The following INSL6 variants were observed in gnomAD, a reference collection of about 807,000 sequenced individuals.
The protein encoded by INSL6 is insulin like 6.
A neutral mutation model predicts 9.4 loss-of-function variants in INSL6; 16 were observed. That is an observed-to-expected ratio of 1.70 (90% confidence interval 1.15 to 2.59). The LOEUF (loss-of-function observed/expected upper bound fraction) is 2.59, where lower values mean the gene tolerates loss of function less well. Ranked by LOEUF, INSL6 falls within the 30% of genes most tolerant of loss-of-function variation. The pLI, the probability that INSL6 is intolerant of heterozygous loss-of-function variation, is 0.00. For missense variants in INSL6, 391 were observed against 257.3 expected, an observed-to-expected ratio of 1.52 and a Z score of -3.56; for synonymous variants, 154 against 96.9, an observed-to-expected ratio of 1.59 and a Z score of -3.46.
At chr9:5,170,453 GCAAA>G (rs1825154620) in intron 1 of INSL6, among the ~76,000 whole-genome samples, 1 of 151,536 alleles carries the variant, frequency 6.6e-6, no homozygotes, top group Admixed American at 6.6e-5. Flanking sequence ...AGAACCAAGA[GCAAA>G]CAAACCCCAA....
chr9:5,020,094 G>A, the INSL6 span, among the ~76,000 whole-genome samples: 1 of 152,194 alleles, frequency 6.6e-6, no homozygotes, highest in East Asian at 1.9e-4. Context: ...CCTGGGCAGT[G>A]AGCATGGCAT....
the INSL6 span, among the ~76,000 whole-genome samples, chr9:5,051,092 A>C: frequency 4.6e-5 from 7 of 152,202 alleles, no homozygotes; most frequent in African/African-American, 1.7e-4. Flanking sequence ...TTGACGTTCA[A>C]AAAGTTCTGG....
the INSL6 span, among the ~76,000 whole-genome samples, chr9:5,087,502 C>T: frequency 4.6e-5 from 4 of 87,682 alleles, no homozygotes; most frequent in Non-Finnish European, 7.9e-5. Flanking sequence ...TTTCCTGGTC[C>T]TATCTCAAAC....
the INSL6 span, chr9:5,072,434 G>T: frequency 4.6e-6 from 6 of 1,317,422 alleles, no homozygotes; most frequent in South Asian, 9.0e-5. Flanking sequence ...GTATTTTCTT[G>T]TTCCTACTTC....
chr9:5,112,503 T>C, the INSL6 span: 1 of 558,586 alleles, frequency 1.8e-6, no homozygotes, highest in Non-Finnish European at 3.2e-6. Flanking sequence ...AGGAGGAAGA[T>C]GACCTTTTCC....
At chr9:5,023,527 C>A in the INSL6 span, among the ~76,000 whole-genome samples, 1 of 152,162 alleles carries the variant, frequency 6.6e-6, no homozygotes, top group Non-Finnish European at 1.5e-5. Flanking sequence ...ATTTTTTGTC[C>A]TGCAAGGGGC....
intron 2 of INSL6, among the ~76,000 whole-genome samples, chr9:5,136,002 G>A (rs1020143783): frequency 7.2e-5 from 11 of 152,140 alleles, no homozygotes; most frequent in African/African-American, 2.4e-4. Flanking sequence ...ACACCTCTAT[G>A]CAAATAAACT....
At chr9:5,096,760 C>T in the INSL6 span, 1 of 152,136 alleles carries the variant, frequency 6.6e-6, no homozygotes, top group Non-Finnish European at 1.5e-5. Flanking sequence ...GTGGGTACCT[C>T]CTTAAGCCTT....
chr9:5,082,738 G>C, the INSL6 span, among the ~76,000 whole-genome samples: 1 of 152,224 alleles, frequency 6.6e-6, no homozygotes, highest in Non-Finnish European at 1.5e-5. Flanking sequence ...GGTTTATTGA[G>C]ACTGGAGAAT....
At chr9:5,136,593 A>G (rs1367024098) in intron 2 of INSL6, among the ~76,000 whole-genome samples, 1 of 152,238 alleles carries the variant, frequency 6.6e-6, no homozygotes. Context: ...AAAAGTCTCA[A>G]TAAACTAGGT....
downstream of INSL6, among the ~76,000 whole-genome samples, chr9:5,120,122 GCT>G (rs2130842532): frequency 6.6e-6 from 1 of 152,344 alleles, no homozygotes; most frequent in East Asian, 1.9e-4. Flanking sequence ...GGTGAGAGCT[GCT>G]CTCTTCTTTC....
At chr9:5,074,651 CCT>C in the INSL6 span, among the ~76,000 whole-genome samples, 4 of 152,174 alleles carry the variant, frequency 2.6e-5, no homozygotes, top group African/African-American at 4.8e-5. Context: ...CTCCCTATTC[CCT>C]GAGACAACAA....
the INSL6 span, among the ~76,000 whole-genome samples, chr9:5,046,038 C>G: frequency 6.6e-5 from 10 of 152,162 alleles, no homozygotes; most frequent in Middle Eastern, 3.2e-3. Flanking sequence ...TCAACATCCT[C>G]AACAATGCTT....
chr9:5,028,775 C>A, the INSL6 span, among the ~76,000 whole-genome samples: 37 of 152,296 alleles, frequency 2.4e-4, no homozygotes, highest in East Asian at 6.9e-3. Context: ...TAGCTTCTTG[C>A]TTTTCTTCTG....
At chr9:5,083,959 CCATT>C in the INSL6 span, among the ~76,000 whole-genome samples, 5 of 151,872 alleles carry the variant, frequency 3.3e-5, no homozygotes, top group African/African-American at 7.2e-5. Context: ...CAAGATTTTC[CCATT>C]ATTAATATTC....
chr9:5,024,350 T>C, the INSL6 span, among the ~76,000 whole-genome samples: 5 of 152,280 alleles, frequency 3.3e-5, no homozygotes, highest in South Asian at 6.2e-4. Context: ...TTTTATTGAA[T>C]TCCTAGGGCC....
At chr9:5,149,626 T>C (rs1380996159) in intron 2 of INSL6, among the ~76,000 whole-genome samples, 1 of 152,162 alleles carries the variant, frequency 6.6e-6, no homozygotes, top group African/African-American at 2.4e-5. Context: ...CTGATGCTCA[T>C]GGACTGAAAT....
chr9:5,079,644 A>T, the INSL6 span, among the ~76,000 whole-genome samples: 4 of 150,530 alleles, frequency 2.7e-5, no homozygotes, highest in African/African-American at 4.9e-5. Flanking sequence ...AAACTATATA[A>T]AAAAAAAAGA....
the INSL6 span, among the ~76,000 whole-genome samples, chr9:5,031,879 G>A: frequency 6.6e-6 from 1 of 152,224 alleles, no homozygotes; most frequent in African/African-American, 2.4e-5. Context: ...GGTGTACCGG[G>A]TTCGTCTCAC....
Sources: gnomAD v4.1 joint callset for allele counts (sites outside exome capture counted in the v4.1 genomes callset) on GRCh38, gnomAD v4.1.1 for gene constraint, MANE v1.5 for transcripts, NCBI Gene and HGNC (gene_info 2026-07-23, HGNC 2026-07-21) for gene names.